KNTC1: variants seen among roughly 807,000 people sequenced by gnomAD.
KNTC1 encodes kinetochore associated 1.
A neutral mutation model predicts 314.4 loss-of-function variants in KNTC1; 253 were observed. The ratio of observed to expected loss-of-function variants is 0.80; its 90% CI spans 0.73 to 0.89. KNTC1 has a LOEUF of 0.89. Among genes scored for constraint, KNTC1 ranks in the 40% least tolerant of loss-of-function variants. The pLI, the probability that KNTC1 is intolerant of heterozygous loss-of-function variation, is 0.00. For missense variants in KNTC1, 2,475 were observed against 2,572.9 expected (o/e 0.96, Z 0.82); for synonymous variants, 901 against 901.4 (o/e 1.00, Z 0.01).
rs1360602448 is a variant in KNTC1, at chr12:122,622,464, T to G, written c.6372T>G (p.Ile2124Met). The change falls in exon 62 of 64, where the codon ATT becomes ATG. Residue 2124 changes from isoleucine to methionine, a missense_variant and splice_region_variant. By Grantham distance (10) the Ile-to-Met change is conservative (BLOSUM62 1). Transcript: ENST00000333479. ...TAATGATACCTGTCATTCTATAGATTAGAAGTCTGATTTTGAATAATATCA... is the reference window on the plus strand; with the variant it reads ...TAATGATACCTGTCATTCTATAGATGAGAAGTCTGATTTTGAATAATATCA... ...TGQLAGFSHQ[I>M]RSLILNNIIN... 1.3e-6 allele frequency: 2 copies of G among 1,571,050 alleles called. No individual in the cohort carries two copies. Among genetic ancestry groups the G allele is most frequent in the Admixed American group, 3.7e-5 (2 of 54,738 alleles).
chr12:122,610,906 C>T lies in KNTC1; in HGVS notation c.5622+6C>T, dbSNP rs1287057182. ...TTGCAACATCAACTACAACCGTAAG[C>T]TCTAGAAACTTAATCCAAACTCTTC... On this transcript the variant is annotated splice_donor_region_variant and intron_variant, in intron 53 of 63. Coordinates refer to ENST00000333479, the MANE Select transcript of KNTC1 (RefSeq NM_014708.6). 6.3e-7 allele frequency: 1 copy of T among 1,599,490 alleles called. No homozygotes were observed. Among genetic ancestry groups the T allele is most frequent in the Non-Finnish European group, 8.6e-7 (1 of 1,167,028 alleles).
chr12:122,551,245 A>T, intron 13 of KNTC1, 74 bp from the exon 14 acceptor site: 2 of 960,150 alleles, frequency 2.1e-6, no homozygotes, highest in Non-Finnish European at 3.2e-6. Context: ...TGCCTGAACC[A>T]GTAGTTACTC....
chr12:122,609,139 G>T, intron 51 of KNTC1: 1 of 425,758 alleles, frequency 2.3e-6, no homozygotes, highest in Non-Finnish European at 4.1e-6. Context: ...ATTTACTCAG[G>T]CAATCTATAT....
intron 37 of KNTC1, 137 bp downstream of exon 37, chr12:122,585,911 A>G (rs1444322155): frequency 9.4e-6 from 7 of 742,124 alleles, no homozygotes; most frequent in South Asian, 1.7e-5. Context: ...AGAAGCAGAT[A>G]CAAAAGAATA....
rs576325438 is a variant in KNTC1, at chr12:122,543,770, T to C, written c.558+136T>C. On this transcript the variant is annotated intron_variant, in intron 7 of 63. Transcript: ENST00000333479. ...TGATATAACATTTTAATAACATTTC[T>C]ATTTAAAAATACATTTATGCCCGTA... 8.2e-6 allele frequency: 5 copies of C among 610,406 alleles called. No homozygotes were observed. The East Asian group carries it at 1.5e-4, about 19-fold the overall frequency. The allele number at this position is 610,406 out of a possible 1,614,324, so 37.8% of individuals were successfully genotyped here.
intron 63 of KNTC1, among the ~76,000 whole-genome samples, chr12:122,625,595 AAAAAAAC>A (rs1358089593): frequency 6.6e-6 from 1 of 151,958 alleles, no homozygotes; most frequent in Non-Finnish European, 1.5e-5. Flanking sequence ...AAAACAAAAA[AAAAAAAC>A]AAAGGAAAAA....
In KNTC1 at chr12:122,594,489, C is replaced by T. The variant is rs1176518213; in HGVS notation, c.4355+104C>T. ...ATTATTTTATGAGGTCCATAGACCACTATTTTCTTTTGCTCATTCCCAAAC... is the reference window on the plus strand; with the variant it reads ...ATTATTTTATGAGGTCCATAGACCATTATTTTCTTTTGCTCATTCCCAAAC... On this transcript the variant is annotated intron_variant, in intron 43 of 63. Coordinates refer to ENST00000333479, the MANE Select transcript of KNTC1 (RefSeq NM_014708.6). 3 of 665,658 alleles carry T rather than the reference C, an allele frequency of 4.5e-6. No homozygotes were observed. In the African/African-American group the frequency reaches 5.4e-5, roughly 12 times the overall value. 41.2% of individuals were successfully genotyped at this position (665,658 alleles called of 1,614,324 possible).
chr12:122,543,918 C>T (rs7971112), intron 7 of KNTC1, among the ~76,000 whole-genome samples: 4 of 151,958 alleles, frequency 2.6e-5, no homozygotes, highest in East Asian at 3.9e-4. Context: ...GGGGTGGTGG[C>T]GCATGCCTGT....
chr12:122,595,160 G>A (rs1870866735), intron 43 of KNTC1, among the ~76,000 whole-genome samples: 1 of 152,242 alleles, frequency 6.6e-6, no homozygotes, highest in South Asian at 2.1e-4. Flanking sequence ...ATAGGCGTGA[G>A]CCACTGCGCC....
intron 31 of KNTC1, 41 bp from the exon 32 acceptor site, chr12:122,579,864 A>T (rs770653263): frequency 1.4e-6 from 2 of 1,395,856 alleles, no homozygotes; most frequent in Admixed American, 3.5e-5. Context: ...GTGGTCAGAA[A>T]AGGAAGTAGA....
intron 42 of KNTC1, chr12:122,593,266 CTTT>C (rs369511482): frequency 2.9e-4 from 40 of 139,236 alleles, no homozygotes; most frequent in East Asian, 6.0e-4. Context: ...TTCTTTTTTT[CTTT>C]TTTTTTTTTT....
intron 57 of KNTC1, among the ~76,000 whole-genome samples, chr12:122,615,857 G>A (rs906639440): frequency 5.3e-5 from 8 of 152,110 alleles, no homozygotes; most frequent in Non-Finnish European, 7.4e-5. Flanking sequence ...GCCCGGACCC[G>A]TTAATACTCA....
At chr12:122,601,446 A>G in intron 44 of KNTC1, 90 bp from the exon 45 acceptor site, 1 of 1,124,324 alleles carries the variant, frequency 8.9e-7, no homozygotes, top group Non-Finnish European at 1.2e-6. Context: ...ACATTTTTAT[A>G]TTTGTAATCT....
rs760310025 is a variant in KNTC1 at position 122,551,528 on chromosome 12, C to T, written c.1196+5C>T. 6 of 1,607,168 alleles carry T rather than the reference C, an allele frequency of 3.7e-6. No individual in the cohort carries two copies. Among genetic ancestry groups the T allele is most frequent in the Admixed American group, 3.4e-5 (2 of 59,162 alleles). ...GGAAGCTTTACCAGAAAACAGGTAA[C>T]TTCTCATTTTTTTTTAAGCTTTATC... On this transcript the variant is annotated splice_donor_5th_base_variant and intron_variant, in intron 15 of 63. Coordinates refer to ENST00000333479, the MANE Select transcript of KNTC1 (RefSeq NM_014708.6).
rs769264395 is a variant in KNTC1, at chr12:122,580,657, T to G, written c.2969T>G (p.Val990Gly). 6.4e-7 allele frequency: 1 copy of G among 1,565,408 alleles called. No individual in the cohort carries two copies. The highest frequency in any genetic ancestry group is 1.2e-5 in the South Asian group (1 of 83,890). Reference protein sequence around the residue: ...CEEMLKLFKEVASLQENFEVF... With the variant: ...CEEMLKLFKEGASLQENFEVF... ...GAAATGTTGAAACTATTTAAAGAGGTTGCTAGCTTACAGGTAAACATATTG... is the reference window on the plus strand; with the variant it reads ...GAAATGTTGAAACTATTTAAAGAGGGTGCTAGCTTACAGGTAAACATATTG... Residue 990 changes from valine (V) to glycine (G), a missense_variant, in exon 33 of 64, where the codon GTT becomes GGT. Transcript: ENST00000333479.
intron 62 of KNTC1, among the ~76,000 whole-genome samples, chr12:122,624,019 G>C (rs1593702720): frequency 6.6e-6 from 1 of 152,248 alleles, no homozygotes; most frequent in Non-Finnish European, 1.5e-5. Context: ...AGTGAGCCGA[G>C]ATCGCACCAT....
chr12:122,595,480 T>C (rs1034252929), intron 43 of KNTC1, among the ~76,000 whole-genome samples: 1 of 152,220 alleles, frequency 6.6e-6, no homozygotes, highest in Middle Eastern at 3.2e-3. Context: ...TGTAACAGAT[T>C]AATGGAATCT....
intron 42 of KNTC1, among the ~76,000 whole-genome samples, chr12:122,591,729 T>C (rs559129219): frequency 2.6e-5 from 4 of 152,204 alleles, no homozygotes; most frequent in Non-Finnish European, 4.4e-5. Flanking sequence ...AATTGACATT[T>C]ATGCTATTTC....
chr12:122,595,233 A>G (rs1198932455), intron 43 of KNTC1, among the ~76,000 whole-genome samples: 2 of 152,230 alleles, frequency 1.3e-5, no homozygotes, highest in African/African-American at 2.4e-5. Flanking sequence ...GACTTTGATA[A>G]GTAGGGATAA....
Sources: gnomAD v4.1 joint callset for allele counts (sites outside exome capture counted in the v4.1 genomes callset) on GRCh38, gnomAD v4.1.1 for gene constraint, MANE v1.5 for transcripts, NCBI Gene and HGNC (gene_info 2026-07-23, HGNC 2026-07-21) for gene names.